MACROD2: variants seen among roughly 807,000 people sequenced by gnomAD.
MACROD2 encodes ADP-ribose glycohydrolase MACROD2.
Under a neutral mutation model 70.4 loss-of-function variants are expected in MACROD2, and 36 were observed. The ratio of observed to expected loss-of-function variants is 0.51; its 90% CI spans 0.39 to 0.68. The LOEUF (loss-of-function observed/expected upper bound fraction) is 0.68. MACROD2 is among the 30% of genes least tolerant of loss of function. The pLI, the probability that MACROD2 is intolerant of heterozygous loss-of-function variation, is 0.00. For synonymous variants in MACROD2, 172 were observed against 178.8 expected, an observed-to-expected ratio of 0.96 and a Z score of 0.30; for missense variants, 496 against 538.4, an observed-to-expected ratio of 0.92 and a Z score of 0.78.
chr20:15,862,687 C>G, intron 8 of MACROD2, 58 bp from the exon 9 acceptor site: 1 of 1,405,086 alleles, frequency 7.1e-7, no homozygotes. Flanking sequence ...CGGCTATGTC[C>G]TGGCAGGGCA....
chr20:14,686,568 T>G (rs1274042608), intron 5 of MACROD2, among the ~76,000 whole-genome samples: 1 of 152,226 alleles, frequency 6.6e-6, no homozygotes, highest in East Asian at 1.9e-4. Context: ...TAGCTATGTT[T>G]ACATACTTAC....
chr20:15,442,488 T>G (rs1024554455), intron 7 of MACROD2, among the ~76,000 whole-genome samples: 1 of 152,112 alleles, frequency 6.6e-6, no homozygotes, highest in African/African-American at 2.4e-5. Flanking sequence ...TCTCATTTAC[T>G]TACCCGCCCT....
At chr20:15,403,326 T>A (rs1435325518) in intron 6 of MACROD2, among the ~76,000 whole-genome samples, 2 of 152,156 alleles carry the variant, frequency 1.3e-5, no homozygotes, top group East Asian at 3.8e-4. Context: ...TTTGTTCTAA[T>A]ATTTTCTATA....
chr20:14,652,578 G>A (rs1318863489), intron 4 of MACROD2, among the ~76,000 whole-genome samples: 13 of 152,032 alleles, frequency 8.6e-5, no homozygotes, highest in Non-Finnish European at 2.9e-5. Context: ...AACCTGACTC[G>A]AAAACCATTG....
At chr20:14,915,599 G>A (rs539690804) in intron 5 of MACROD2, among the ~76,000 whole-genome samples, 4 of 152,252 alleles carry the variant, frequency 2.6e-5, no homozygotes, top group Admixed American at 6.5e-5. Flanking sequence ...TTGCCTCGGC[G>A]TCCGAGGAGC....
intron 5 of MACROD2, among the ~76,000 whole-genome samples, chr20:15,034,302 G>C (rs2075297048): frequency 6.6e-6 from 1 of 152,138 alleles, no homozygotes; most frequent in South Asian, 2.1e-4. Flanking sequence ...AGAGTGTATG[G>C]TATCATTTTT....
chr20:15,777,133 T>TAAA (rs2051734736), intron 8 of MACROD2, among the ~76,000 whole-genome samples: 1 of 152,152 alleles, frequency 6.6e-6, no homozygotes, highest in African/African-American at 2.4e-5. Context: ...CAGTTACTTG[T>TAAA]GGAGGTTATA....
At chr20:15,450,014 AAAAAT>A (rs950297619) in intron 7 of MACROD2, among the ~76,000 whole-genome samples, 42 of 152,306 alleles carry the variant, frequency 2.8e-4, no homozygotes, top group Admixed American at 1.5e-3. Flanking sequence ...ATAAACATAT[AAAAAT>A]AAAATAAACA....
At chr20:15,998,175 G>A (rs1163070273) in intron 15 of MACROD2, among the ~76,000 whole-genome samples, 1 of 152,122 alleles carries the variant, frequency 6.6e-6, no homozygotes, top group Non-Finnish European at 1.5e-5. Flanking sequence ...TTGGTATCAA[G>A]GTAATGCTGG....
intron 8 of MACROD2, among the ~76,000 whole-genome samples, chr20:15,802,755 A>G (rs2063737553): frequency 6.6e-6 from 1 of 152,156 alleles, no homozygotes; most frequent in African/African-American, 2.4e-5. Context: ...GATAAACAAA[A>G]TAAATAAACT....
chr20:14,761,557 A>G (rs2072015950), intron 5 of MACROD2, among the ~76,000 whole-genome samples: 1 of 152,076 alleles, frequency 6.6e-6, no homozygotes, highest in Non-Finnish European at 1.5e-5. Context: ...TTTTATTCCC[A>G]AGATCCTTAT....
At chr20:14,284,778 A>G (rs1017098307) in intron 3 of MACROD2, among the ~76,000 whole-genome samples, 2 of 152,228 alleles carry the variant, frequency 1.3e-5, no homozygotes, top group African/African-American at 4.8e-5. Context: ...TGTTGGCCTA[A>G]CTAGATGGTT....
At chr20:15,877,775 A>G (rs1169883734) in intron 9 of MACROD2, among the ~76,000 whole-genome samples, 1 of 152,148 alleles carries the variant, frequency 6.6e-6, no homozygotes. Flanking sequence ...TATTAAAAAG[A>G]TGAGGAGTGC....
At chr20:14,656,755 G>A (rs1985996782) in intron 4 of MACROD2, among the ~76,000 whole-genome samples, 1 of 152,140 alleles carries the variant, frequency 6.6e-6, no homozygotes, top group Admixed American at 6.5e-5. Context: ...TACTCTGGGG[G>A]TTATATTGTG....
intron 6 of MACROD2, among the ~76,000 whole-genome samples, chr20:15,258,845 A>G (rs2077222898): frequency 6.6e-6 from 1 of 152,082 alleles, no homozygotes; most frequent in Non-Finnish European, 1.5e-5. Context: ...AGTTCAAGGA[A>G]CGTTTGCAGA....
At chr20:15,410,299 A>G (rs575535227) in intron 6 of MACROD2, among the ~76,000 whole-genome samples, 1 of 152,382 alleles carries the variant, frequency 6.6e-6, no homozygotes, top group Non-Finnish European at 1.5e-5. Flanking sequence ...CTTGACAAAG[A>G]GAAATATACC....
chr20:14,324,684 C>G (rs1276764989), intron 3 of MACROD2: 1 of 152,044 alleles, frequency 6.6e-6, no homozygotes, highest in Non-Finnish European at 1.5e-5. Flanking sequence ...TTATAATTCA[C>G]TTTTCAAAAA....
chr20:14,123,197 T>C (rs1413638761), intron 3 of MACROD2, among the ~76,000 whole-genome samples: 1 of 152,200 alleles, frequency 6.6e-6, no homozygotes, highest in Non-Finnish European at 1.5e-5. Flanking sequence ...AGTCTGAATG[T>C]TACAAAACTT....
chr20:15,067,342 TTTTGTTTG>T (rs1040558805), intron 5 of MACROD2, among the ~76,000 whole-genome samples: 1 of 151,866 alleles, frequency 6.6e-6, no homozygotes, highest in Non-Finnish European at 1.5e-5. Flanking sequence ...TTTTGTTTTG[TTTTGTTTG>T]TTTGTTTGTT....
Sources: allele counts gnomAD v4.1 joint callset (sites outside exome capture counted in the v4.1 genomes callset), GRCh38; gene constraint gnomAD v4.1.1; transcripts MANE v1.5; gene names NCBI Gene and HGNC (gene_info 2026-07-23, HGNC 2026-07-21).